Variants in SNTG2 observed in about 807,000 individuals in gnomAD.
SNTG2 encodes gamma-2-syntrophin.
In SNTG2, 74 loss-of-function variants were observed where a neutral mutation model predicts 70.9. The observed-to-expected ratio is 1.04, with a 90% CI of 0.86 to 1.27. The LOEUF is 1.27. Among genes scored for constraint, SNTG2 ranks in the 50% most tolerant of loss-of-function variants. SNTG2 has a pLI of 0.00. For synonymous variants in SNTG2, 278 were observed against 273.8 expected (o/e 1.02, Z -0.15); for missense variants, 717 against 690.7 (o/e 1.04, Z -0.43).
chr2:1,041,939 A>G (rs1030223089), intron 1 of SNTG2, among the ~76,000 whole-genome samples: 1 of 152,182 alleles, frequency 6.6e-6, no homozygotes, highest in African/African-American at 2.4e-5. Flanking sequence ...CTAAGCCTGC[A>G]CCATCTTTTT....
At chr2:1,010,036 ATAT>A (rs1262372242) in intron 1 of SNTG2, among the ~76,000 whole-genome samples, 4 of 152,160 alleles carry the variant, frequency 2.6e-5, no homozygotes, top group Admixed American at 1.3e-4. Flanking sequence ...AACAGGTGAG[ATAT>A]TATCAGAACA....
chr2:1,002,511 C>T (rs1359118764), intron 1 of SNTG2, among the ~76,000 whole-genome samples: 1 of 152,006 alleles, frequency 6.6e-6, no homozygotes. Flanking sequence ...TGCTGAACGA[C>T]ACTGATCATC....
intron 1 of SNTG2, among the ~76,000 whole-genome samples, chr2:1,028,738 C>CTTTT (rs71392557): frequency 6.9e-6 from 1 of 145,138 alleles, no homozygotes; most frequent in Non-Finnish European, 1.5e-5. Flanking sequence ...AGGCAACCTC[C>CTTTT]TTTTTTTTTT....
At chr2:1,162,789 A>G (rs1670413730) in intron 6 of SNTG2, among the ~76,000 whole-genome samples, 1 of 152,088 alleles carries the variant, frequency 6.6e-6, no homozygotes, top group Non-Finnish European at 1.5e-5. Context: ...CGGGGGGAGG[A>G]TAGAATCAGA....
At chr2:1,301,503 A>G (rs1308047702) in intron 14 of SNTG2, among the ~76,000 whole-genome samples, 2 of 152,246 alleles carry the variant, frequency 1.3e-5, no homozygotes, top group Non-Finnish European at 2.9e-5. Context: ...AACTCTAAAC[A>G]GAATAAGCCC....
intron 8 of SNTG2, among the ~76,000 whole-genome samples, chr2:1,177,087 C>A (rs1336828745): frequency 2.0e-5 from 3 of 152,100 alleles, no homozygotes; most frequent in African/African-American, 7.2e-5. Context: ...CCCAAATGCC[C>A]ATCAATGATA....
intron 1 of SNTG2, among the ~76,000 whole-genome samples, chr2:1,032,724 C>T (rs1015853675): frequency 5.3e-5 from 8 of 151,546 alleles, no homozygotes; most frequent in African/African-American, 7.3e-5. Flanking sequence ...GAGTTAGTTA[C>T]TTTGTATCTA....
intron 15 of SNTG2, among the ~76,000 whole-genome samples, chr2:1,316,005 T>C (rs1232745927): frequency 6.6e-6 from 1 of 152,108 alleles, no homozygotes; most frequent in Non-Finnish European, 1.5e-5. Flanking sequence ...CCGTGGATGC[T>C]GATGCATCCC....
chr2:991,132 G>A (rs1661477244), intron 1 of SNTG2, among the ~76,000 whole-genome samples: 1 of 152,172 alleles, frequency 6.6e-6, no homozygotes, highest in East Asian at 1.9e-4. Context: ...GTTTCTGCTG[G>A]TAATGAGATG....
chr2:1,023,352 G>C (rs940095769), intron 1 of SNTG2, among the ~76,000 whole-genome samples: 6 of 152,222 alleles, frequency 3.9e-5, no homozygotes, highest in Middle Eastern at 3.4e-3. Flanking sequence ...AGTGTGAGGT[G>C]AGTGGCCATG....
chr2:1,349,118 G>T (rs1660447802), intron 16 of SNTG2, among the ~76,000 whole-genome samples: 2 of 152,230 alleles, frequency 1.3e-5, no homozygotes, highest in Non-Finnish European at 2.9e-5. Context: ...TAGACAATGG[G>T]AACTGCTGAT....
intron 14 of SNTG2, among the ~76,000 whole-genome samples, chr2:1,278,572 A>G (rs1372031826): frequency 6.6e-6 from 1 of 152,224 alleles, no homozygotes. Flanking sequence ...ACAAGCCTCA[A>G]TTCTGTTTTT....
intron 1 of SNTG2, among the ~76,000 whole-genome samples, chr2:1,000,051 T>A (rs1661816230): frequency 6.6e-6 from 1 of 151,828 alleles, no homozygotes; most frequent in Non-Finnish European, 1.5e-5. Flanking sequence ...AAAATGCTAT[T>A]AAGATGGAAA....
chr2:1,028,546 A>G (rs1187335086), intron 1 of SNTG2, among the ~76,000 whole-genome samples: 3 of 152,306 alleles, frequency 2.0e-5, no homozygotes, highest in Non-Finnish European at 1.5e-5. Flanking sequence ...GGTGTCAGTC[A>G]CTTACAATGT....
At chr2:1,033,254 C>G (rs1660942691) in intron 1 of SNTG2, among the ~76,000 whole-genome samples, 1 of 152,180 alleles carries the variant, frequency 6.6e-6, no homozygotes, top group Non-Finnish European at 1.5e-5. Context: ...TGGCCACTGA[C>G]TGCTTTTGAC....
chr2:965,368 ATCCTCCTCCTGGTCCCCAG>A lies in SNTG2; in HGVS notation c.72+14311_72+14329del, dbSNP rs1179950354. On this transcript the variant is annotated intron_variant, in intron 1 of 16. Coordinates refer to ENST00000308624, the MANE Select transcript of SNTG2 (RefSeq NM_018968.4). ...TCCCCAGTCCTCCTCCTGGTCCCCAATCCTCCTCCTGGTCCCCAGTCCTCCTCCTTGGACCCTTGTTTCT... is the reference window on the plus strand; with the variant it reads ...TCCCCAGTCCTCCTCCTGGTCCCCAATCCTCCTCCTTGGACCCTTGTTTCT... 2.8e-4 allele frequency among the ~76,000 whole-genome samples: 29 copies of A among 103,092 alleles called. No individual in the cohort carries two copies. In the East Asian group the frequency reaches 3.7e-3, roughly 13 times the overall value. The allele number at this position is 103,092 out of a possible 152,430, so 67.6% of individuals were successfully genotyped here.
chr2:1,099,546 C>G (rs1311762559), intron 4 of SNTG2, among the ~76,000 whole-genome samples: 1 of 50,672 alleles, frequency 2.0e-5, no homozygotes, highest in African/African-American at 7.6e-5. Flanking sequence ...CTGGAGGTCC[C>G]AGGCTGGGGA....
intron 7 of SNTG2, among the ~76,000 whole-genome samples, chr2:1,169,427 C>T (rs1301600558): frequency 1.3e-5 from 2 of 152,108 alleles, no homozygotes; most frequent in Non-Finnish European, 2.9e-5. Flanking sequence ...TTTGAAGGAG[C>T]AGAATTTAAG....
chr2:1,274,288 C>G (rs987412432), intron 14 of SNTG2, among the ~76,000 whole-genome samples: 9 of 152,176 alleles, frequency 5.9e-5, no homozygotes, highest in Non-Finnish European at 1.2e-4. Context: ...TGCAAAAATG[C>G]TCATAACAGC....
Sources: gnomAD v4.1 joint callset for allele counts (sites outside exome capture counted in the v4.1 genomes callset) on GRCh38, gnomAD v4.1.1 for gene constraint, MANE v1.5 for transcripts, NCBI Gene and HGNC (gene_info 2026-07-23, HGNC 2026-07-21) for gene names.